The following LAMA2 variants were observed in gnomAD, a reference collection of about 807,000 sequenced individuals.
LAMA2 encodes laminin subunit alpha 2, also known as laminin subunit alpha-2.
LAMA2 carries 269 observed loss-of-function variants against 364.8 expected under a neutral mutation model. The observed-to-expected ratio is 0.74, with a 90% CI of 0.67 to 0.82. The LOEUF (loss-of-function observed/expected upper bound fraction) is 0.82, where lower values mean the gene tolerates loss of function less well. Ranked by LOEUF, LAMA2 falls within the 40% of genes least tolerant of loss-of-function variation. The pLI, the probability that LAMA2 is intolerant of heterozygous loss-of-function variation, is 0.00. For missense variants in LAMA2, 3,807 were observed against 3,873.2 expected (o/e 0.98, Z 0.45); for synonymous variants, 1,379 against 1,370.6 (o/e 1.01, Z -0.14).
In LAMA2 at chr6:129,297,732, C is replaced by A; in HGVS notation, c.2904C>A (p.Asn968Lys). 1 of 1,614,136 alleles carries A rather than the reference C, an allele frequency of 6.2e-7. No homozygotes were observed. Among genetic ancestry groups the A allele is most frequent in the Non-Finnish European group, 8.5e-7 (1 of 1,179,988 alleles). ...LQSARGCVPC[N>K]CNSFGSKSFD... ...CAGCAAGGGGCTGTGTTCCCTGCAACTGCAATTCTTTTGGGTCTAAGTCAT... is the reference window on the plus strand; with the variant it reads ...CAGCAAGGGGCTGTGTTCCCTGCAAATGCAATTCTTTTGGGTCTAAGTCAT... Residue 968 changes from asparagine to lysine, a missense_variant, in exon 21 of 65, where the codon AAC (asparagine) becomes AAA (lysine). By Grantham distance (94) the Asn-to-Lys change is moderately conservative. Transcript: ENST00000421865.
At chr6:128,929,017 A>G (rs1188940845) in intron 1 of LAMA2, 25 of 1,392,776 alleles carry the variant, frequency 1.8e-5, no homozygotes, top group Non-Finnish European at 2.5e-5. Flanking sequence ...TGAAGCCCAT[A>G]TATGCATTCA....
At chr6:128,896,104 T>G (rs549530162) in intron 1 of LAMA2, among the ~76,000 whole-genome samples, 1 of 152,156 alleles carries the variant, frequency 6.6e-6, no homozygotes, top group African/African-American at 2.4e-5. Flanking sequence ...CACTGATGGG[T>G]CTGAACATGA....
At chr6:129,502,085 T>G (rs1207590764) in intron 58 of LAMA2, among the ~76,000 whole-genome samples, 1 of 152,220 alleles carries the variant, frequency 6.6e-6, no homozygotes, top group Non-Finnish European at 1.5e-5. Flanking sequence ...GTGGGTTACA[T>G]TTTTAAAATG....
At position 129,481,484 on chromosome 6, in the gene LAMA2, A is replaced by G. The variant is rs370225841; in HGVS notation, c.7749+45A>G. The G allele has an allele frequency of 3.4e-6, 5 of 1,465,788 alleles. No homozygotes were observed. In the African/African-American group the frequency reaches 4.2e-5, roughly 12 times the overall value. The allele number at this position is 1,465,788 out of a possible 1,614,324, so 90.8% of individuals were successfully genotyped here. A position where few individuals can be genotyped will look rare whatever the true frequency, so the allele number is the denominator to read the frequency against. ...ATAATGCATTTTCCCTAATGCTTAT[A>G]TAAAGCAGTTAACTTACTTTTGTAT... On this transcript the variant is annotated intron_variant, in intron 55 of 64. Coordinates refer to ENST00000421865, the MANE Select transcript of LAMA2 (RefSeq NM_000426.4).
chr6:129,460,078 CA>C, intron 48 of LAMA2, 121 bp from the exon 49 acceptor site: 1 of 970,938 alleles, frequency 1.0e-6, no homozygotes, highest in South Asian at 1.3e-5. Context: ...GTACATATGC[CA>C]AAATATCAGA....
intron 7 of LAMA2, among the ~76,000 whole-genome samples, chr6:129,150,496 G>A (rs1322600310): frequency 6.6e-6 from 1 of 152,088 alleles, no homozygotes; most frequent in East Asian, 1.9e-4. Context: ...ATGTTAAGTG[G>A]CTCTGCAAAA....
chr6:129,507,804 T>G (rs1011340607), intron 62 of LAMA2, among the ~76,000 whole-genome samples, 162 bp downstream of exon 62: 1 of 152,192 alleles, frequency 6.6e-6, no homozygotes, highest in Non-Finnish European at 1.5e-5. Flanking sequence ...CTCTTAAAAA[T>G]TCATGTATCT....
chr6:128,900,172 T>C (rs1777000389), intron 1 of LAMA2, among the ~76,000 whole-genome samples: 1 of 152,170 alleles, frequency 6.6e-6, no homozygotes, highest in Non-Finnish European at 1.5e-5. Context: ...AATGGTGAAA[T>C]ACTTAGAATT....
At chr6:129,149,292 G>A (rs574265174) in intron 7 of LAMA2, among the ~76,000 whole-genome samples, 196 bp downstream of exon 7, 1 of 152,226 alleles carries the variant, frequency 6.6e-6, no homozygotes, top group East Asian at 1.9e-4. Flanking sequence ...TGACTTTATA[G>A]CCTAATAGTG....
intron 4 of LAMA2, among the ~76,000 whole-genome samples, chr6:129,105,793 A>T (rs1027130449): frequency 1.3e-5 from 2 of 152,190 alleles, no homozygotes; most frequent in Admixed American, 1.3e-4. Context: ...CAGTAATAAT[A>T]TTGAGGAGGA....
At chr6:129,230,372 A>G (rs758090120) in intron 12 of LAMA2, among the ~76,000 whole-genome samples, 2 of 152,126 alleles carry the variant, frequency 1.3e-5, no homozygotes, top group South Asian at 2.1e-4. Flanking sequence ...CAACATGGAA[A>G]CTAGAGTGGA....
chr6:129,050,761 G>C (rs1188125306), intron 2 of LAMA2, among the ~76,000 whole-genome samples: 2 of 152,220 alleles, frequency 1.3e-5, no homozygotes, highest in Non-Finnish European at 2.9e-5. Context: ...AAAGGGCAGA[G>C]AGTAGAGATG....
At chr6:129,048,445 TTTCTTTCTTTC>T (rs1787697316) in intron 1 of LAMA2, among the ~76,000 whole-genome samples, 1 of 52,454 alleles carries the variant, frequency 1.9e-5, no homozygotes, top group African/African-American at 8.8e-5. Context: ...TTTTCTTTTC[TTTCTTTCTTTC>T]TTTCTTTCTT....
intron 1 of LAMA2, among the ~76,000 whole-genome samples, chr6:128,893,020 A>G (rs1378154593): frequency 6.6e-6 from 1 of 151,956 alleles, no homozygotes; most frequent in Non-Finnish European, 1.5e-5. Context: ...AATCTTGCCT[A>G]ACACATAATG....
At chr6:129,324,680 C>A (rs141296743) in intron 28 of LAMA2, among the ~76,000 whole-genome samples, 31 of 152,248 alleles carry the variant, frequency 2.0e-4, no homozygotes, top group Middle Eastern at 3.4e-3. Context: ...AGGCTACAGA[C>A]CTGCACAGCA....
At chr6:129,185,661 A>G (rs913658553) in intron 10 of LAMA2, among the ~76,000 whole-genome samples, 3 of 148,998 alleles carry the variant, frequency 2.0e-5, no homozygotes, top group Non-Finnish European at 4.5e-5. Flanking sequence ...ATTATGAAAA[A>G]ATGACTATAT....
chr6:129,192,529 A>G (rs1781580411), intron 11 of LAMA2, 151 bp from the exon 12 acceptor site: 1 of 676,516 alleles, frequency 1.5e-6, no homozygotes, highest in Non-Finnish European at 2.6e-6. Context: ...GTCTAATGAT[A>G]TTCATAATGC....
At chr6:129,377,352 C>T (rs1778429995) in intron 34 of LAMA2, among the ~76,000 whole-genome samples, 1 of 151,864 alleles carries the variant, frequency 6.6e-6, no homozygotes, top group African/African-American at 2.4e-5. Flanking sequence ...ATTTCAACTG[C>T]TAACAGTGTT....
chr6:129,512,223 G>A, intron 62 of LAMA2, 140 bp from the exon 63 acceptor site: 1 of 764,166 alleles, frequency 1.3e-6, no homozygotes, highest in Non-Finnish European at 2.1e-6. Context: ...GATAGGCCAG[G>A]CAGGATCTGA....
Sources: allele counts gnomAD v4.1 joint callset (sites outside exome capture counted in the v4.1 genomes callset), GRCh38; gene constraint gnomAD v4.1.1; transcripts MANE v1.5; gene names NCBI Gene and HGNC (gene_info 2026-07-23, HGNC 2026-07-21).